Variants in C12orf42 observed in about 807,000 individuals in gnomAD.
C12orf42 encodes the protein uncharacterized protein C12orf42.
Under a neutral mutation model 21.6 loss-of-function variants are expected in C12orf42, and 25 were observed. The ratio of observed to expected loss-of-function variants is 1.16; its 90% CI spans 0.84 to 1.62. C12orf42 has a LOEUF of 1.62. Ranked by LOEUF, C12orf42 falls within the 40% of genes most tolerant of loss-of-function variation. The pLI, the probability that C12orf42 is intolerant of heterozygous loss-of-function variation, is 0.00. For synonymous variants in C12orf42, 174 were observed against 175.0 expected (o/e 0.99, Z 0.05); for missense variants, 483 against 459.3 (o/e 1.05, Z -0.47).
chr12:103,414,749 C>A (rs1412197991), intron 2 of C12orf42, among the ~76,000 whole-genome samples: 1 of 152,150 alleles, frequency 6.6e-6, no homozygotes, highest in Admixed American at 6.5e-5. Context: ...AACTTTGCAT[C>A]CTGAAACTTT....
intron 4 of C12orf42, among the ~76,000 whole-genome samples, chr12:103,362,447 G>A (rs1420131084): frequency 1.3e-5 from 2 of 151,980 alleles, no homozygotes; most frequent in South Asian, 2.1e-4. Context: ...ACAAAACAAG[G>A]TTCTTTACCA....
chr12:103,281,942 A>AGAAT (rs2036160276), intron 4 of C12orf42, among the ~76,000 whole-genome samples: 1 of 151,850 alleles, frequency 6.6e-6, no homozygotes, highest in Admixed American at 6.6e-5. Context: ...AAAGAAAGAA[A>AGAAT]GAAAGAAAGA....
the C12orf42 span, among the ~76,000 whole-genome samples, chr12:103,152,567 G>T: frequency 2.3e-4 from 35 of 152,044 alleles, no homozygotes; most frequent in African/African-American, 8.2e-4. Context: ...CAGACTACAT[G>T]ATTCTGTACC....
chr12:103,106,411 CAT>C, the C12orf42 span, among the ~76,000 whole-genome samples: 8 of 151,832 alleles, frequency 5.3e-5, no homozygotes, highest in South Asian at 2.1e-4. Context: ...ATAAAATAAA[CAT>C]GTGGGTAAAA....
At chr12:103,215,195 TTATTA>T in the C12orf42 span, among the ~76,000 whole-genome samples, 1 of 152,256 alleles carries the variant, frequency 6.6e-6, no homozygotes, top group African/African-American at 2.4e-5. Flanking sequence ...TCTGGATGTT[TTATTA>T]TATTAATACT....
chr12:103,539,364 T>C, the C12orf42 span, among the ~76,000 whole-genome samples: 8 of 46,726 alleles, frequency 1.7e-4, no homozygotes, highest in Non-Finnish European at 4.7e-4. Flanking sequence ...GCTTGGTTCT[T>C]TTTTTTTTAA....
At chr12:103,141,503 G>A in the C12orf42 span, among the ~76,000 whole-genome samples, 45,326 of 151,164 alleles carry the variant, frequency 0.3, 7,298 homozygotes, top group East Asian at 0.46. Flanking sequence ...ATTGATGAAT[G>A]GATAAAGGAT....
At chr12:103,190,214 G>C in the C12orf42 span, among the ~76,000 whole-genome samples, 14 of 152,328 alleles carry the variant, frequency 9.2e-5, no homozygotes, top group Non-Finnish European at 1.9e-4. Flanking sequence ...TAATGTCCAA[G>C]GGCAGGAGGA....
chr12:103,167,900 GTGTGTGTGTGTGTT>G, the C12orf42 span: 11,565 of 352,562 alleles, frequency 0.033, 362 homozygotes, highest in African/African-American at 0.072. Flanking sequence ...GTGTGTGTGT[GTGTGTGTGTGTGTT>G]TGTGTCTGTG....
intron 4 of C12orf42, among the ~76,000 whole-genome samples, chr12:103,307,444 G>A (rs2038477441): frequency 6.6e-6 from 1 of 152,156 alleles, no homozygotes; most frequent in African/African-American, 2.4e-5. Context: ...GAAACTGACA[G>A]CCTACTGTGT....
chr12:103,432,558 A>T (rs2139360338), intron 2 of C12orf42, among the ~76,000 whole-genome samples: 1 of 152,344 alleles, frequency 6.6e-6, no homozygotes, highest in Middle Eastern at 3.4e-3. Context: ...CTTGCTGTCT[A>T]ATGAGAGAGA....
the C12orf42 span, among the ~76,000 whole-genome samples, chr12:103,222,644 G>A: frequency 3.9e-5 from 6 of 151,986 alleles, no homozygotes; most frequent in African/African-American, 1.5e-4. Flanking sequence ...AGTGAGACTG[G>A]GGATGAAGGG....
At chr12:103,122,647 G>A in the C12orf42 span, among the ~76,000 whole-genome samples, 1 of 152,116 alleles carries the variant, frequency 6.6e-6, no homozygotes, top group South Asian at 2.1e-4. Context: ...GAACATTTTG[G>A]GCAGGAGAAA....
At chr12:103,286,901 C>A (rs2036497023) in intron 4 of C12orf42, among the ~76,000 whole-genome samples, 2 of 151,146 alleles carry the variant, frequency 1.3e-5, no homozygotes, top group African/African-American at 2.4e-5. Context: ...AACATCATAT[C>A]TGCACTCCAG....
the C12orf42 span, among the ~76,000 whole-genome samples, chr12:103,514,990 T>A: frequency 6.6e-6 from 1 of 152,030 alleles, no homozygotes; most frequent in African/African-American, 2.4e-5. Flanking sequence ...TGGTATGGGG[T>A]GGGAAGTGGG....
At chr12:103,510,297 G>A in the C12orf42 span, among the ~76,000 whole-genome samples, 39 of 152,314 alleles carry the variant, frequency 2.6e-4, no homozygotes, top group East Asian at 7.1e-3. Flanking sequence ...ATAGTTGGGA[G>A]CTAAGCTATG....
At position 103,301,988 on chromosome 12, in the gene C12orf42, C is replaced by T. The variant is rs761304025; in HGVS notation, c.*120G>A. On this transcript the variant is annotated 3_prime_UTR_variant, in exon 6 of 6. Transcript: ENST00000548883. Reference sequence around the variant, plus strand: ...ACATTATTTATTAGGTTCAAAAATGCTTCACAAAAGCCTAACAATGGTTCT... The same window carrying T: ...ACATTATTTATTAGGTTCAAAAATGTTTCACAAAAGCCTAACAATGGTTCT... The T allele has an allele frequency of 1.6e-4, 185 of 1,164,064 alleles. No homozygotes were observed. The highest frequency in any genetic ancestry group is 2.2e-4 in the Non-Finnish European group (179 of 826,940). 72.1% of individuals were successfully genotyped at this position (1,164,064 alleles called of 1,614,324 possible). A position where few individuals can be genotyped will look rare whatever the true frequency, so the allele number is the denominator to read the frequency against.
At chr12:103,493,239 C>T (rs143050407) in intron 1 of C12orf42, among the ~76,000 whole-genome samples, 236 of 152,304 alleles carry the variant, frequency 1.5e-3, no homozygotes, top group African/African-American at 5.5e-3. Context: ...ACATCTGATA[C>T]AGCTTTCGAC....
intron 4 of C12orf42, among the ~76,000 whole-genome samples, chr12:103,361,619 G>C (rs919991414): frequency 5.9e-5 from 9 of 152,072 alleles, no homozygotes; most frequent in African/African-American, 2.2e-4. Context: ...CTAGTCCAGG[G>C]AAAGTTCTCA....
Sources: gnomAD v4.1 joint callset for allele counts (sites outside exome capture counted in the v4.1 genomes callset) on GRCh38, gnomAD v4.1.1 for gene constraint, MANE v1.5 for transcripts, NCBI Gene and HGNC (gene_info 2026-07-23, HGNC 2026-07-21) for gene names.